SLX9: variants seen among roughly 807,000 people sequenced by gnomAD.
SLX9 encodes the protein SLX9 ribosome biogenesis factor.
SLX9 carries 19 observed loss-of-function variants against 20.8 expected under a neutral mutation model. That is an observed-to-expected ratio of 0.91 (90% confidence interval 0.64 to 1.34). The LOEUF is 1.34. SLX9 is among the 40% of genes most tolerant of loss of function. SLX9 has a pLI of 0.00. For synonymous variants in SLX9, 113 were observed against 137.1 expected, an observed-to-expected ratio of 0.82 and a Z score of 1.23; for missense variants, 299 against 322.2, an observed-to-expected ratio of 0.93 and a Z score of 0.55.
chr21:44,942,433 G>A (rs915553015), intron 1 of SLX9, among the ~76,000 whole-genome samples: 3 of 152,160 alleles, frequency 2.0e-5, no homozygotes, highest in Non-Finnish European at 4.4e-5. Context: ...GGGTGAGGGA[G>A]ACCAAGGACT....
At chr21:44,939,947 C>T, upstream of SLX9, 1 of 1,196,248 alleles carries the variant, frequency 8.4e-7, no homozygotes, top group Non-Finnish European at 1.1e-6. Flanking sequence ...CGGGTACTTC[C>T]GGCGGCCGCG....
intron 3 of SLX9, among the ~76,000 whole-genome samples, chr21:44,964,820 C>T (rs1266632679): frequency 6.6e-6 from 1 of 152,194 alleles, no homozygotes; most frequent in African/African-American, 2.4e-5. Context: ...CGAGTGGCTC[C>T]TGCTGTATTT....
Position 44,943,737 on chromosome 21 carries a change from C to T in SLX9, c.183C>T (p.Ser61=), listed in dbSNP as rs745316372. 13 of 1,614,074 alleles carry T rather than the reference C, an allele frequency of 8.1e-6. No individual in the cohort carries two copies. The highest frequency in any genetic ancestry group is 1.1e-5 in the South Asian group (1 of 91,086). The change falls in exon 2 of 6, where the codon AGC becomes AGT. Residue 61 remains serine (S), a synonymous_variant. Coordinates refer to ENST00000291634, the MANE Select transcript of SLX9 (RefSeq NM_058190.4). ...TTGCCAGGACCAAGATAGACCCCAGCGCCTTGGTGCAGAAGCTGGAGCTGG... is the reference window on the plus strand; with the variant it reads ...TTGCCAGGACCAAGATAGACCCCAGTGCCTTGGTGCAGAAGCTGGAGCTGG... ...NIFARTKIDP[S]ALVQKLELDV...
intron 5 of SLX9, among the ~76,000 whole-genome samples, chr21:44,974,153 C>T (rs1299875380): frequency 1.3e-5 from 2 of 152,240 alleles, no homozygotes; most frequent in Admixed American, 6.5e-5. Flanking sequence ...CCACATTTTA[C>T]GCCCTTGTAA....
chr21:44,941,967 C>T (rs1388925687), intron 1 of SLX9, among the ~76,000 whole-genome samples: 3 of 152,198 alleles, frequency 2.0e-5, no homozygotes, highest in Non-Finnish European at 2.9e-5. Flanking sequence ...GCAAGAGCTC[C>T]GTGTCAGGAC....
chr21:44,967,223 T>G, intron 4 of SLX9, 42 bp downstream of exon 4: 3 of 1,531,904 alleles, frequency 2.0e-6, no homozygotes, highest in Non-Finnish European at 2.6e-6. Flanking sequence ...GCTGTGGGGC[T>G]GACCCGGGTC....
chr21:44,968,150 C>T (rs77029131), intron 4 of SLX9, among the ~76,000 whole-genome samples: 2,479 of 152,154 alleles, frequency 0.016, 66 homozygotes, highest in African/African-American at 0.056. Context: ...CTCCTCCTGA[C>T]GCACTGAGGT....
intron 2 of SLX9, among the ~76,000 whole-genome samples, chr21:44,944,654 G>A (rs1568927930): frequency 6.6e-6 from 1 of 152,244 alleles, no homozygotes; most frequent in African/African-American, 2.4e-5. Context: ...GGTTGGGGAG[G>A]GAGAGGGCCT....
intron 2 of SLX9, among the ~76,000 whole-genome samples, chr21:44,952,103 G>A (rs946181058): frequency 7.5e-6 from 1 of 134,186 alleles, no homozygotes; most frequent in Non-Finnish European, 1.5e-5. Flanking sequence ...CACAGCAGCA[G>A]CAGAACACAC....
intron 3 of SLX9, among the ~76,000 whole-genome samples, chr21:44,964,222 T>C (rs1241472142): frequency 6.6e-6 from 1 of 152,270 alleles, no homozygotes; most frequent in Non-Finnish European, 1.5e-5. Flanking sequence ...TTTAAAATAC[T>C]AATCTTGTAT....
chr21:44,972,928 C>A, intron 4 of SLX9: 1 of 36,866 alleles, frequency 2.7e-5, no homozygotes, highest in Non-Finnish European at 4.6e-5. Context: ...AGATTCCACA[C>A]GGAGCAGCTT....
chr21:44,965,412 T>C (rs1334000032), intron 3 of SLX9, among the ~76,000 whole-genome samples: 1 of 152,186 alleles, frequency 6.6e-6, no homozygotes, highest in Non-Finnish European at 1.5e-5. Context: ...GTCGATATTG[T>C]GGTCATCTTT....
In SLX9 at chr21:44,943,981, G is replaced by A. The variant is rs959193490; in HGVS notation, c.283+144G>A. 4 of 1,212,936 alleles carry A rather than the reference G, an allele frequency of 3.3e-6. No individual in the cohort carries two copies. In the African/African-American group the frequency reaches 4.5e-5, roughly 14 times the overall value. The allele number at this position is 1,212,936 out of a possible 1,614,324, so 75.1% of individuals were successfully genotyped here. A position where few individuals can be genotyped will look rare whatever the true frequency, so the allele number is the denominator to read the frequency against. ...AGGGATGCCCCTGGCTGTTTCTTGG[G>A]GCGATTCCCCAGAGTAGATTACAGC... On this transcript the variant is annotated intron_variant, in intron 2 of 5. Coordinates refer to ENST00000291634, the MANE Select transcript of SLX9 (RefSeq NM_058190.4).
At position 44,959,109 on chromosome 21, in the gene SLX9, G is replaced by A. The variant is rs145808903; in HGVS notation, c.284-991G>A. Reference sequence around the variant, plus strand: ...GCTGTGGGAGGGGATTAAATCCTGCGGGAGCCCTGGGCCTTGGAGGTTTCA... The same window carrying A: ...GCTGTGGGAGGGGATTAAATCCTGCAGGAGCCCTGGGCCTTGGAGGTTTCA... On this transcript the variant is annotated intron_variant, in intron 2 of 5. Transcript: ENST00000291634. 543 of 618,732 alleles carry A rather than the reference G, an allele frequency of 8.8e-4. 5 individuals are homozygous for A. In the African/African-American group the frequency reaches 0.01, roughly 12 times the overall value. The allele number at this position is 618,732 out of a possible 1,614,324, so 38.3% of individuals were successfully genotyped here. A position where few individuals can be genotyped will look rare whatever the true frequency, so the allele number is the denominator to read the frequency against.
At chr21:44,968,840 G>A (rs62214513) in intron 4 of SLX9, among the ~76,000 whole-genome samples, 24 of 148,414 alleles carry the variant, frequency 1.6e-4, no homozygotes, top group Middle Eastern at 3.5e-3. Context: ...TGCAAGCTCC[G>A]CCTCCTGGGT....
intron 2 of SLX9, among the ~76,000 whole-genome samples, chr21:44,946,858 G>C (rs1341855637): frequency 6.6e-6 from 1 of 152,226 alleles, no homozygotes; most frequent in East Asian, 1.9e-4. Flanking sequence ...TCAGACGGAG[G>C]GACAGGCCTC....
In SLX9 at chr21:44,941,910, C is replaced by T. The variant is rs138045088; in HGVS notation, c.129+1724C>T. On this transcript the variant is annotated intron_variant, in intron 1 of 5. Coordinates refer to ENST00000291634, the MANE Select transcript of SLX9 (RefSeq NM_058190.4). ...GAGCTGCAGACAAGGCGAGTCCCTT[C>T]TGGCAGAGCTATGGAGTTCTTCCTT... Among the ~76,000 whole-genome samples the T allele has an allele frequency of 4.5e-3, 693 of 152,340 alleles. 4 individuals carry two copies. The highest frequency in any genetic ancestry group is 0.015 in the African/African-American group (643 of 41,566).
chr21:44,967,997 G>A (rs983264694), intron 4 of SLX9, among the ~76,000 whole-genome samples: 8 of 134,370 alleles, frequency 6.0e-5, no homozygotes, highest in East Asian at 2.1e-4. Context: ...CCCCTCCCCC[G>A]CCCCCTGCTG....
intron 1 of SLX9, among the ~76,000 whole-genome samples, chr21:44,943,119 G>A (rs1312199660): frequency 6.6e-6 from 1 of 152,294 alleles, no homozygotes; most frequent in Non-Finnish European, 1.5e-5. Context: ...TGGGCAGCAC[G>A]GGGGTCAGGG....
Sources: allele counts gnomAD v4.1 joint callset (sites outside exome capture counted in the v4.1 genomes callset), GRCh38; gene constraint gnomAD v4.1.1; transcripts MANE v1.5; gene names NCBI Gene and HGNC (gene_info 2026-07-23, HGNC 2026-07-21).